The following RNF11 variants were observed in gnomAD, a reference collection of about 807,000 sequenced individuals.
RNF11 encodes ring finger protein 11.
A neutral mutation model predicts 15.8 loss-of-function variants in RNF11; 4 were observed. The ratio of observed to expected loss-of-function variants is 0.25; its 90% CI spans 0.12 to 0.58. The LOEUF is 0.58. RNF11 is among the 20% of genes least tolerant of loss of function. The probability of loss-of-function intolerance (pLI) is 0.91; values close to 1 mark genes in which losing one functional copy is unlikely to be tolerated. For synonymous variants in RNF11, 68 were observed against 72.3 expected (o/e 0.94, Z 0.30); for missense variants, 139 against 194.4 (o/e 0.71, Z 1.70).
intron 1 of RNF11, chr1:51,251,450 G>T: frequency 1.4e-6 from 1 of 719,814 alleles, no homozygotes; most frequent in Non-Finnish European, 2.3e-6. Context: ...GCCCCCCCCC[G>T]CTGCACTGGT....
chr1:51,251,394 A>C, intron 1 of RNF11: 1 of 1,399,276 alleles, frequency 7.1e-7, no homozygotes, highest in Non-Finnish European at 9.8e-7. Flanking sequence ...GCCACTGCCG[A>C]AACCTCCGCG....
Position 51,269,943 on chromosome 1 carries a change from T to C in RNF11, c.124-13T>C, listed in dbSNP as rs572422051. Reference sequence around the variant, plus strand: ...AAAAAATAATCTTTTTCCTCTATATTTTAATATTTTAGGAACAAGTTCCAG... The same window carrying C: ...AAAAAATAATCTTTTTCCTCTATATCTTAATATTTTAGGAACAAGTTCCAG... On this transcript the variant is annotated splice_polypyrimidine_tract_variant and intron_variant, in intron 1 of 2. Transcript: ENST00000242719. 1.6e-5 allele frequency: 25 copies of C among 1,605,002 alleles called. No individual in the cohort carries two copies. The South Asian group carries it at 2.6e-4, about 16-fold the overall frequency.
At position 51,270,052 on chromosome 1, in the gene RNF11, A is replaced by G; in HGVS notation, c.220A>G (p.Ile74Val). 6.2e-7 allele frequency: 1 copy of G among 1,613,836 alleles called. No individual in the cohort carries two copies. Among genetic ancestry groups the G allele is most frequent in the Non-Finnish European group, 8.5e-7 (1 of 1,179,854 alleles). ...GGAACAAATTAGGATAGCTCAAAGAATAGGTCTTATACAACATCTGCCTAA... is the reference window on the plus strand; with the variant it reads ...GGAACAAATTAGGATAGCTCAAAGAGTAGGTCTTATACAACATCTGCCTAA... ...EEEQIRIAQRIGLIQHLPKGV... is the reference protein window; with the variant it reads ...EEEQIRIAQRVGLIQHLPKGV... The change falls in exon 2 of 3, where the codon ATA becomes GTA. Residue 74 changes from isoleucine to valine, a missense_variant. By Grantham distance (29) the Ile-to-Val change is conservative. Coordinates refer to ENST00000242719, the MANE Select transcript of RNF11 (RefSeq NM_014372.5).
chr1:51,242,008 A>G (rs182385212), intron 1 of RNF11, among the ~76,000 whole-genome samples: 39 of 152,350 alleles, frequency 2.6e-4, no homozygotes, highest in Admixed American at 2.3e-3. Context: ...AAAAATAAGG[A>G]TAGGTGTCTC....
intron 1 of RNF11, among the ~76,000 whole-genome samples, chr1:51,249,803 GGGATA>G: frequency 6.6e-6 from 1 of 152,236 alleles, no homozygotes; most frequent in African/African-American, 2.4e-5. Flanking sequence ...TATATATCCA[GGGATA>G]GAGTTACTGG....
chr1:51,250,956 C>T (rs1646874540), intron 1 of RNF11: 3 of 1,302,356 alleles, frequency 2.3e-6, no homozygotes, highest in Admixed American at 3.8e-5. Flanking sequence ...GTGGGGCTTG[C>T]CAATCTTGTT....
intron 1 of RNF11, among the ~76,000 whole-genome samples, chr1:51,269,021 G>C (rs1026414253): frequency 1.3e-5 from 2 of 152,198 alleles, no homozygotes; most frequent in Non-Finnish European, 2.9e-5. Flanking sequence ...ACTGTTATCT[G>C]CTTTATTCAA....
At chr1:51,251,302 A>C in intron 1 of RNF11, 3 of 1,493,754 alleles carry the variant, frequency 2.0e-6, no homozygotes, top group Non-Finnish European at 2.7e-6. Flanking sequence ...ACGGGCATCC[A>C]CTCCTTATCC....
intron 1 of RNF11, among the ~76,000 whole-genome samples, chr1:51,263,918 C>T (rs1646941573): frequency 6.6e-6 from 1 of 151,888 alleles, no homozygotes; most frequent in African/African-American, 2.4e-5. Context: ...TTAATGGAAG[C>T]CTTTCACCTT....
At chr1:51,250,995 A>G (rs887437571) in intron 1 of RNF11, 13 of 1,405,216 alleles carry the variant, frequency 9.3e-6, no homozygotes, top group Admixed American at 5.4e-5. Context: ...CACGGGGACA[A>G]TGGAGAGCTT....
chr1:51,259,613 G>A (rs1646921159), intron 1 of RNF11, among the ~76,000 whole-genome samples: 1 of 152,118 alleles, frequency 6.6e-6, no homozygotes, highest in Non-Finnish European at 1.5e-5. Flanking sequence ...CTGTATTTAA[G>A]CTTCTAAAAT....
At chr1:51,254,467 A>G (rs1296282488) in intron 1 of RNF11, among the ~76,000 whole-genome samples, 1 of 151,384 alleles carries the variant, frequency 6.6e-6, no homozygotes. Context: ...TTGTATTTTT[A>G]ATTTTTTTTT....
At chr1:51,246,266 A>G (rs1440162013) in intron 1 of RNF11, among the ~76,000 whole-genome samples, 1 of 151,784 alleles carries the variant, frequency 6.6e-6, no homozygotes, top group African/African-American at 2.4e-5. Flanking sequence ...ACTCCATCTC[A>G]ACAACAACAA....
chr1:51,253,921 C>T (rs1306845013), intron 1 of RNF11, among the ~76,000 whole-genome samples: 1 of 151,376 alleles, frequency 6.6e-6, no homozygotes, highest in Non-Finnish European at 1.5e-5. Flanking sequence ...ATTGCTTGAG[C>T]CTAGAAATTG....
At chr1:51,262,802 A>G (rs902599101) in intron 1 of RNF11, among the ~76,000 whole-genome samples, 2 of 144,768 alleles carry the variant, frequency 1.4e-5, no homozygotes, top group African/African-American at 5.2e-5. Flanking sequence ...TCCTGACCTC[A>G]GGTGATCTGC....
At chr1:51,252,571 C>T (rs1646884717) in intron 1 of RNF11, among the ~76,000 whole-genome samples, 1 of 151,698 alleles carries the variant, frequency 6.6e-6, no homozygotes, top group Non-Finnish European at 1.5e-5. Flanking sequence ...GCCAAGATTG[C>T]GTCATTGCAC....
chr1:51,261,332 T>G (rs1447734405), intron 1 of RNF11, among the ~76,000 whole-genome samples: 1 of 152,050 alleles, frequency 6.6e-6, no homozygotes, highest in Non-Finnish European at 1.5e-5. Context: ...CTGCATAAGG[T>G]TTCCATGGCA....
chr1:51,261,363 T>A (rs1033124416), intron 1 of RNF11, among the ~76,000 whole-genome samples: 1 of 151,970 alleles, frequency 6.6e-6, no homozygotes, highest in African/African-American at 2.4e-5. Flanking sequence ...GTGTTAAGAA[T>A]CCGTGAGAGG....
rs1424867265 is a variant in RNF11, at chr1:51,251,314, C to T, written c.123+14435C>T. 5.6e-5 allele frequency: 85 copies of T among 1,516,044 alleles called. 1 individual carries two copies. The South Asian group carries it at 8.0e-4, about 14-fold the overall frequency. The allele number at this position is 1,516,044 out of a possible 1,614,324, so 93.9% of individuals were successfully genotyped here. ...GTGACGGGCATCCACTCCTTATCCT[C>T]GGCCTTGCCTCCGCGAGCTCCGCGG... On this transcript the variant is annotated intron_variant, in intron 1 of 2. Coordinates refer to ENST00000242719, the MANE Select transcript of RNF11 (RefSeq NM_014372.5).
Sources: allele counts gnomAD v4.1 joint callset (sites outside exome capture counted in the v4.1 genomes callset), GRCh38; gene constraint gnomAD v4.1.1; transcripts MANE v1.5; gene names NCBI Gene and HGNC (gene_info 2026-07-23, HGNC 2026-07-21).